The following FARS2 variants were observed in gnomAD, a reference collection of about 807,000 sequenced individuals.
FARS2 encodes the protein phenylalanyl-tRNA synthetase 2, mitochondrial, also known as phenylalanine--tRNA ligase, mitochondrial.
Under a neutral mutation model 46.4 loss-of-function variants are expected in FARS2, and 40 were observed. The ratio of observed to expected loss-of-function variants is 0.86; its 90% CI spans 0.67 to 1.12. FARS2 has a LOEUF of 1.12. Among genes scored for constraint, FARS2 ranks in the 50% most tolerant of loss-of-function variants. FARS2 has a pLI of 0.00. For missense variants in FARS2, 513 were observed against 567.9 expected (o/e 0.90, Z 0.98); for synonymous variants, 234 against 214.9 (o/e 1.09, Z -0.78).
At chr6:5,260,910 G>A (rs1211565134), upstream of FARS2, 3 of 1,377,272 alleles carry the variant, frequency 2.2e-6, no homozygotes, top group African/African-American at 4.6e-5. Flanking sequence ...GACGGCGCCA[G>A]GCGTCCCGCG....
intron 4 of FARS2, among the ~76,000 whole-genome samples, chr6:5,539,308 G>A (rs530177801): frequency 6.5e-4 from 97 of 148,964 alleles, no homozygotes; most frequent in African/African-American, 2.3e-3. Flanking sequence ...CCTGGTTCAC[G>A]CCATTCTCCT....
intron 5 of FARS2, among the ~76,000 whole-genome samples, chr6:5,552,255 TG>T (rs1341945664): frequency 6.6e-6 from 1 of 152,208 alleles, no homozygotes; most frequent in East Asian, 1.9e-4. Flanking sequence ...ACAGTTGACC[TG>T]CCTTGAGAAA....
intron 6 of FARS2, among the ~76,000 whole-genome samples, chr6:5,639,977 C>CG (rs1327463986): frequency 6.6e-6 from 1 of 152,154 alleles, no homozygotes; most frequent in Non-Finnish European, 1.5e-5. Context: ...TGGTGGGTTT[C>CG]GGAAAAACGT....
At chr6:5,432,447 AAT>A (rs1763269037) in intron 4 of FARS2, among the ~76,000 whole-genome samples, 2 of 127,328 alleles carry the variant, frequency 1.6e-5, no homozygotes, top group African/African-American at 3.0e-5. Flanking sequence ...TAATATATAA[AAT>A]ATATATTATA....
chr6:5,452,640 A>G (rs1456704706), intron 4 of FARS2: 1 of 152,190 alleles, frequency 6.6e-6, no homozygotes, highest in African/African-American at 2.4e-5. Context: ...CTTAGTAGAT[A>G]TTTATTGAAT....
At chr6:5,696,570 A>G (rs1442090409) in intron 6 of FARS2, among the ~76,000 whole-genome samples, 2 of 152,214 alleles carry the variant, frequency 1.3e-5, no homozygotes, top group Non-Finnish European at 2.9e-5. Context: ...ACAAAGATGT[A>G]TTGAAAGAAC....
At chr6:5,519,623 C>G (rs1769012036) in intron 4 of FARS2, among the ~76,000 whole-genome samples, 1 of 152,108 alleles carries the variant, frequency 6.6e-6, no homozygotes, top group Non-Finnish European at 1.5e-5. Context: ...GAAGATGTAT[C>G]TAATAAAAGA....
intron 4 of FARS2, among the ~76,000 whole-genome samples, chr6:5,454,681 C>T (rs572297755): frequency 1.3e-5 from 2 of 152,258 alleles, no homozygotes; most frequent in African/African-American, 2.4e-5. Flanking sequence ...AGTTAACTCT[C>T]GGTCCCGATA....
rs143512115 is a variant in FARS2 at position 5,724,489 on chromosome 6, G to A, written c.1218-46802G>A. 1.1e-4 allele frequency among the ~76,000 whole-genome samples: 16 copies of A among 152,312 alleles called. No homozygotes were observed. The East Asian group carries it at 3.1e-3, about 29-fold the overall frequency. ...GAGCCAGCTCTGAGTCCCCAGGGTG[G>A]CCCACAGCCAAGGAACAGAGCCCCC... On this transcript the variant is annotated intron_variant, in intron 6 of 6. Transcript: ENST00000274680.
At chr6:5,330,611 A>G (rs1234840685) in intron 1 of FARS2, among the ~76,000 whole-genome samples, 1 of 152,200 alleles carries the variant, frequency 6.6e-6, no homozygotes, top group African/African-American at 2.4e-5. Flanking sequence ...ATGGAGTAGC[A>G]AATGATTCAC....
At chr6:5,752,642 T>C (rs1017757926) in intron 6 of FARS2, among the ~76,000 whole-genome samples, 1 of 152,110 alleles carries the variant, frequency 6.6e-6, no homozygotes, top group Non-Finnish European at 1.5e-5. Context: ...TTCCCCTGGA[T>C]CCCAGATTTT....
chr6:5,580,383 A>G (rs1028259172), intron 5 of FARS2, among the ~76,000 whole-genome samples: 3 of 151,796 alleles, frequency 2.0e-5, no homozygotes, highest in Admixed American at 6.6e-5. Context: ...GATTCTCTAG[A>G]TTGTGTTACT....
intron 4 of FARS2, among the ~76,000 whole-genome samples, chr6:5,432,348 A>AT (rs1305399767): frequency 0.018 from 577 of 32,766 alleles, 3 homozygotes; most frequent in Non-Finnish European, 0.028. Flanking sequence ...ATATATATAT[A>AT]TATTATATAT....
chr6:5,744,857 A>G (rs1198119776), intron 6 of FARS2, among the ~76,000 whole-genome samples: 2 of 152,264 alleles, frequency 1.3e-5, no homozygotes, highest in Admixed American at 6.5e-5. Flanking sequence ...TGCATAAAAA[A>G]TAAATACATA....
At chr6:5,388,583 CTG>C (rs768803696) in intron 2 of FARS2, among the ~76,000 whole-genome samples, 2 of 152,106 alleles carry the variant, frequency 1.3e-5, no homozygotes, top group Non-Finnish European at 2.9e-5. Flanking sequence ...CTGGCTAACA[CTG>C]TGTCTGTGCT....
intron 6 of FARS2, among the ~76,000 whole-genome samples, chr6:5,750,720 C>A (rs543517417): frequency 6.6e-6 from 1 of 150,634 alleles, no homozygotes; most frequent in African/African-American, 2.4e-5. Context: ...ATGCAGGAGG[C>A]GGGGGAGTTG....
the FARS2 span, among the ~76,000 whole-genome samples, chr6:5,250,767 A>C: frequency 6.6e-6 from 1 of 152,230 alleles, no homozygotes; most frequent in Non-Finnish European, 1.5e-5. Context: ...TTTACAAAGC[A>C]GTCTTTTTCT....
intron 6 of FARS2, among the ~76,000 whole-genome samples, chr6:5,685,385 C>G (rs1757119218): frequency 6.6e-6 from 1 of 152,142 alleles, no homozygotes; most frequent in African/African-American, 2.4e-5. Context: ...TCAGAACTGC[C>G]CTGTCCAGTC....
upstream of FARS2, chr6:5,261,354 C>T (rs1765106831): frequency 6.6e-6 from 1 of 152,660 alleles, no homozygotes. Flanking sequence ...TGCGGGATTT[C>T]AAGGGTGACT....
Sources: allele counts gnomAD v4.1 joint callset (sites outside exome capture counted in the v4.1 genomes callset), GRCh38; gene constraint gnomAD v4.1.1; transcripts MANE v1.5; gene names NCBI Gene and HGNC (gene_info 2026-07-23, HGNC 2026-07-21).